SNX4: variants seen among roughly 807,000 people sequenced by gnomAD.
The protein encoded by SNX4 is sorting nexin 4, also known as sorting nexin-4.
A neutral mutation model predicts 70.8 loss-of-function variants in SNX4; 49 were observed. The observed-to-expected ratio is 0.69, with a 90% CI of 0.55 to 0.88. The LOEUF (loss-of-function observed/expected upper bound fraction) is 0.88, where lower values mean the gene tolerates loss of function less well. Ranked by LOEUF, SNX4 falls within the 40% of genes least tolerant of loss-of-function variation. The pLI is 0.00. For missense variants in SNX4, 528 were observed against 544.8 expected (o/e 0.97, Z 0.31); for synonymous variants, 206 against 183.8 (o/e 1.12, Z -0.98).
At chr3:125,462,164 C>T (rs1933899900) in intron 9 of SNX4, among the ~76,000 whole-genome samples, 1 of 152,168 alleles carries the variant, frequency 6.6e-6, no homozygotes, top group Non-Finnish European at 1.5e-5. Context: ...CTTTCGTTCC[C>T]TTATCAACAA....
At chr3:125,519,985 T>C in intron 1 of SNX4, 47 bp downstream of exon 1, 2 of 856,156 alleles carry the variant, frequency 2.3e-6, no homozygotes, top group Non-Finnish European at 1.6e-6. Context: ...CCCGGCCCGC[T>C]AGGCCACCAC....
In SNX4 at chr3:125,451,390, A is replaced by G. The variant is rs753815050; in HGVS notation, c.1220T>C (p.Ile407Thr). 7.4e-6 allele frequency: 12 copies of G among 1,613,686 alleles called. 1 individual carries two copies. Among genetic ancestry groups the G allele is most frequent in the South Asian group, 3.3e-5 (3 of 91,044 alleles). Residue 407 changes from isoleucine (I) to threonine (T), a missense_variant, in exon 13 of 14, where the codon ATT becomes ACT. Ile to Thr is a moderately conservative substitution (Grantham distance 89). Transcript: ENST00000251775. ...REFVKNAWADIERFKEQKNRD... is the reference protein window; with the variant it reads ...REFVKNAWADTERFKEQKNRD... ...GTTCTTTTGTTCTTTGAAGCGTTCA[A>G]TATCAGCCCATGCGTTTTTCACAAA...
At chr3:125,487,770 A>C (rs2107550817) in intron 6 of SNX4, among the ~76,000 whole-genome samples, 1 of 152,112 alleles carries the variant, frequency 6.6e-6, no homozygotes, top group Non-Finnish European at 1.5e-5. Flanking sequence ...AAAAAAAAAA[A>C]CAAAACTATA....
At chr3:125,513,547 G>A (rs1580012798) in intron 1 of SNX4, among the ~76,000 whole-genome samples, 1 of 152,002 alleles carries the variant, frequency 6.6e-6, no homozygotes, top group Non-Finnish European at 1.5e-5. Flanking sequence ...TTTTGATGAT[G>A]AAAATTATAC....
intron 1 of SNX4, 126 bp from the exon 2 acceptor site, chr3:125,504,870 C>A (rs1935013323): frequency 2.8e-6 from 3 of 1,079,208 alleles, no homozygotes; most frequent in South Asian, 4.5e-5. Context: ...ACTTATAGTT[C>A]TTGAGTTGCC....
chr3:125,450,191 A>G (rs978798811), intron 13 of SNX4, among the ~76,000 whole-genome samples: 1 of 152,236 alleles, frequency 6.6e-6, no homozygotes, highest in African/African-American at 2.4e-5. Flanking sequence ...GATGCTACCA[A>G]ACTACAACAT....
chr3:125,486,410 C>T (rs1934534740), intron 6 of SNX4, among the ~76,000 whole-genome samples: 2 of 151,584 alleles, frequency 1.3e-5, no homozygotes, highest in Non-Finnish European at 2.9e-5. Flanking sequence ...TTAGATGAAA[C>T]TTCTACTATG....
At chr3:125,511,567 C>G (rs1034503178) in intron 1 of SNX4, among the ~76,000 whole-genome samples, 14 of 152,154 alleles carry the variant, frequency 9.2e-5, no homozygotes, top group Non-Finnish European at 1.9e-4. Context: ...CTGGCAGACC[C>G]TAGGCCATAT....
intron 5 of SNX4, among the ~76,000 whole-genome samples, chr3:125,494,154 C>T (rs1412457815): frequency 2.6e-5 from 4 of 151,964 alleles, no homozygotes; most frequent in Non-Finnish European, 5.9e-5. Flanking sequence ...ATCCAAGAGC[C>T]AAGGTCAAAT....
At chr3:125,467,470 C>T (rs1440041975) in intron 9 of SNX4, among the ~76,000 whole-genome samples, 1 of 152,074 alleles carries the variant, frequency 6.6e-6, no homozygotes, top group African/African-American at 2.4e-5. Context: ...AGAAGACATA[C>T]ATGTGGCCAA....
chr3:125,515,682 A>G (rs921735039), intron 1 of SNX4, among the ~76,000 whole-genome samples: 6 of 140,400 alleles, frequency 4.3e-5, no homozygotes, highest in Non-Finnish European at 9.4e-5. Flanking sequence ...AAAAAAAAAA[A>G]AGAAAATGTA....
intron 7 of SNX4, among the ~76,000 whole-genome samples, chr3:125,479,819 C>A (rs1212109243): frequency 6.6e-6 from 1 of 152,038 alleles, no homozygotes; most frequent in Non-Finnish European, 1.5e-5. Flanking sequence ...ATTTCTAGTC[C>A]CTTTTGTCAT....
At chr3:125,456,406 A>T (rs1201542980) in intron 11 of SNX4, among the ~76,000 whole-genome samples, 2 of 152,096 alleles carry the variant, frequency 1.3e-5, no homozygotes, top group African/African-American at 4.8e-5. Flanking sequence ...TACCCCTGTA[A>T]TCCTAGCACT....
At chr3:125,458,739 C>CG (rs1281918143) in intron 10 of SNX4, among the ~76,000 whole-genome samples, 1 of 130,018 alleles carries the variant, frequency 7.7e-6, no homozygotes, top group Non-Finnish European at 1.6e-5. Flanking sequence ...GCGTGAATCC[C>CG]GGGGGGCGGA....
intron 1 of SNX4, among the ~76,000 whole-genome samples, chr3:125,510,855 T>G (rs144330359): frequency 5.1e-4 from 78 of 152,326 alleles, no homozygotes; most frequent in African/African-American, 1.8e-3. Flanking sequence ...TGTACGTGAA[T>G]GTACTTATGA....
intron 11 of SNX4, among the ~76,000 whole-genome samples, chr3:125,456,362 T>A (rs1933714606): frequency 6.6e-6 from 1 of 152,188 alleles, no homozygotes. Context: ...TCACTTGGAC[T>A]TAGAAACCAG....
chr3:125,469,546 G>A, intron 8 of SNX4, 27 bp from the exon 9 acceptor site: 1 of 1,475,210 alleles, frequency 6.8e-7, no homozygotes, highest in Non-Finnish European at 9.5e-7. Flanking sequence ...AAAACCAAAA[G>A]CAACATGCAT....
intron 9 of SNX4, among the ~76,000 whole-genome samples, chr3:125,462,141 A>G (rs1375616356): frequency 6.6e-6 from 1 of 152,274 alleles, no homozygotes; most frequent in Non-Finnish European, 1.5e-5. Flanking sequence ...TTTAGTCTTT[A>G]GTCATCATTC....
At chr3:125,483,444 C>T (rs1313261683) in intron 6 of SNX4, among the ~76,000 whole-genome samples, 1 of 152,074 alleles carries the variant, frequency 6.6e-6, no homozygotes, top group African/African-American at 2.4e-5. Context: ...GGCATGACTA[C>T]AAAATTCTTA....
Sources: allele counts gnomAD v4.1 joint callset (sites outside exome capture counted in the v4.1 genomes callset), GRCh38; gene constraint gnomAD v4.1.1; transcripts MANE v1.5; gene names NCBI Gene and HGNC (gene_info 2026-07-23, HGNC 2026-07-21).